Variants in EXD2 observed in about 807,000 individuals in gnomAD.
EXD2 encodes exonuclease 3'-5' domain containing 2, also known as exonuclease 3'-5' domain-containing protein 2.
Under a neutral mutation model 62.5 loss-of-function variants are expected in EXD2, and 40 were observed. The observed-to-expected ratio is 0.64, with a 90% CI of 0.50 to 0.83. EXD2 has a LOEUF of 0.83. EXD2 is among the 40% of genes least tolerant of loss of function. The probability of loss-of-function intolerance (pLI) is 0.00; values close to 1 mark genes in which losing one functional copy is unlikely to be tolerated. For synonymous variants in EXD2, 239 were observed against 291.9 expected (o/e 0.82, Z 1.85); for missense variants, 671 against 761.8 (o/e 0.88, Z 1.40).
chr14:69,213,140 G>T (rs2042874621), intron 3 of EXD2, among the ~76,000 whole-genome samples: 1 of 142,560 alleles, frequency 7.0e-6, no homozygotes, highest in African/African-American at 2.6e-5. Flanking sequence ...CTGGAATGCA[G>T]TTGTGCGATC....
chr14:69,242,944 C>A lies in EXD2; in HGVS notation c.*1844C>A, dbSNP rs1200896685. On this transcript the variant is annotated 3_prime_UTR_variant, in exon 10 of 10. Transcript: ENST00000685843. Reference sequence around the variant, plus strand: ...TTTCCTTTGAAACAAGGGAGTAGGGCTGTTTCATTTTCTTTCCTTCTAATC... The same window carrying A: ...TTTCCTTTGAAACAAGGGAGTAGGGATGTTTCATTTTCTTTCCTTCTAATC... 1 of 152,130 alleles carries A rather than the reference C, an allele frequency of 6.6e-6. No individual in the cohort carries two copies. Among genetic ancestry groups the A allele is most frequent in the Admixed American group, 6.5e-5 (1 of 15,272 alleles). The allele number at this position is 152,130 out of a possible 1,614,324, so 9.4% of individuals were successfully genotyped here. A position where few individuals can be genotyped will look rare whatever the true frequency, so the allele number is the denominator to read the frequency against.
chr14:69,214,568 AT>A, intron 3 of EXD2, among the ~76,000 whole-genome samples: 1 of 152,276 alleles, frequency 6.6e-6, no homozygotes, highest in South Asian at 2.1e-4. Flanking sequence ...ACACTGAATG[AT>A]TTATGTAAAG....
rs76479025 is a variant in EXD2, at chr14:69,192,317, C to T, written c.-132+726C>T. Reference sequence around the variant, plus strand: ...TATACTTTATTTTCTTAGTTCTGTTCCAAGGATAGAAGGAATTGAAAGGTT... The same window carrying T: ...TATACTTTATTTTCTTAGTTCTGTTTCAAGGATAGAAGGAATTGAAAGGTT... On this transcript the variant is annotated intron_variant, in intron 1 of 9. Coordinates refer to ENST00000685843, the MANE Select transcript of EXD2 (RefSeq NM_001193360.2). 8.0e-3 allele frequency among the ~76,000 whole-genome samples: 1,219 copies of T among 152,148 alleles called. 16 individuals carry two copies. Among genetic ancestry groups the T allele is most frequent in the African/African-American group, 0.028 (1,172 of 41,496 alleles).
chr14:69,230,785 CTTTTG>C (rs1037161820), intron 5 of EXD2, among the ~76,000 whole-genome samples, 187 bp downstream of exon 5: 1 of 152,058 alleles, frequency 6.6e-6, no homozygotes, highest in Non-Finnish European at 1.5e-5. Flanking sequence ...AAGAGTCCTG[CTTTTG>C]TTTTATTTTT....
Position 69,241,896 on chromosome 14 carries a change from A to G in EXD2, c.*796A>G. ...CTGCTTGTTGCACTCCTCCTGCCCCAGAACTGCAAGATTTTTAGCTTCACC... is the reference window on the plus strand; with the variant it reads ...CTGCTTGTTGCACTCCTCCTGCCCCGGAACTGCAAGATTTTTAGCTTCACC... On this transcript the variant is annotated 3_prime_UTR_variant, in exon 10 of 10. Coordinates refer to ENST00000685843, the MANE Select transcript of EXD2 (RefSeq NM_001193360.2). 1 of 399,044 alleles carries G rather than the reference A, an allele frequency of 2.5e-6. No individual in the cohort carries two copies. The highest frequency in any genetic ancestry group is 4.4e-6 in the Non-Finnish European group (1 of 226,072). The allele number at this position is 399,044 out of a possible 1,614,324, so 24.7% of individuals were successfully genotyped here.
chr14:69,206,035 C>T (rs1760401424), intron 2 of EXD2, among the ~76,000 whole-genome samples: 1 of 152,098 alleles, frequency 6.6e-6, no homozygotes, highest in African/African-American at 2.4e-5. Context: ...TCTCATGCCT[C>T]AGCCTCTGGA....
At chr14:69,227,307 T>C (rs546428674) in intron 3 of EXD2, among the ~76,000 whole-genome samples, 12 of 152,320 alleles carry the variant, frequency 7.9e-5, no homozygotes, top group Admixed American at 3.3e-4. Context: ...CTGGGAAATT[T>C]AGGTGATAGT....
rs893106049 is a variant in EXD2 at position 69,220,830 on chromosome 14, C to G, written c.334-7986C>G. On this transcript the variant is annotated intron_variant, in intron 3 of 9. Transcript: ENST00000685843. ...GTTGCAGTGAACCAAGATTGTGCCA[C>G]TGCACTCCAGCCTGGTCAACAAGAG... Among the ~76,000 whole-genome samples, 3 of 152,084 alleles carry G rather than the reference C, an allele frequency of 2.0e-5. No individual in the cohort carries two copies. In the South Asian group the frequency reaches 6.2e-4, roughly 32 times the overall value.
Position 69,228,780 on chromosome 14 carries a change from A to G in EXD2, c.334-36A>G, listed in dbSNP as rs1309900189. 9 of 1,585,950 alleles carry G rather than the reference A, an allele frequency of 5.7e-6. No individual in the cohort carries two copies. The Admixed American group carries it at 1.1e-4, about 19-fold the overall frequency. On this transcript the variant is annotated intron_variant, in intron 3 of 9. Coordinates refer to ENST00000685843, the MANE Select transcript of EXD2 (RefSeq NM_001193360.2). ...ATATGTTATGCTCGCTGCTGTGCTCAGGTGTGAACCACAACCTTGTCTTCC... is the reference window on the plus strand; with the variant it reads ...ATATGTTATGCTCGCTGCTGTGCTCGGGTGTGAACCACAACCTTGTCTTCC...
intron 3 of EXD2, among the ~76,000 whole-genome samples, chr14:69,212,993 G>C (rs1192300112): frequency 4.0e-5 from 6 of 151,796 alleles, no homozygotes; most frequent in African/African-American, 1.5e-4. Context: ...TTACAGGCGT[G>C]AGCAACCGTG....
intron 1 of EXD2, among the ~76,000 whole-genome samples, chr14:69,194,554 T>G (rs2042136322): frequency 1.3e-5 from 2 of 152,150 alleles, no homozygotes; most frequent in South Asian, 4.1e-4. Flanking sequence ...GCTATGTTGT[T>G]CAGGCTGGTC....
chr14:69,227,739 C>T (rs531361799), intron 3 of EXD2, among the ~76,000 whole-genome samples: 16 of 152,166 alleles, frequency 1.1e-4, no homozygotes, highest in Non-Finnish European at 1.8e-4. Context: ...GAGGCTGAGG[C>T]AGGAGAATAG....
chr14:69,222,327 C>G (rs937945685), intron 3 of EXD2, among the ~76,000 whole-genome samples: 4 of 151,634 alleles, frequency 2.6e-5, no homozygotes, highest in African/African-American at 9.7e-5. Context: ...ACTCTTATGT[C>G]TATTGTTTCT....
Position 69,235,025 on chromosome 14 carries a change from C to G in EXD2, c.1043C>G (p.Ser348Cys). 6.3e-7 allele frequency: 1 copy of G among 1,585,782 alleles called. No individual in the cohort carries two copies. Residue 348 changes from serine (S) to cysteine (C), a missense_variant, in exon 6 of 10, where the codon TCT becomes TGT. Coordinates refer to ENST00000685843, the MANE Select transcript of EXD2 (RefSeq NM_001193360.2). Reference protein sequence around the residue: ...HKRKPLGVGYSARKSPLYDNC... With the variant: ...HKRKPLGVGYCARKSPLYDNC... ...AGAAAGCCTCTGGGGGTGGGCTATT[C>G]TGCCAGGTAACTGAATCACTCCCTG...
At chr14:69,201,667 T>C (rs2042402252) in intron 1 of EXD2, among the ~76,000 whole-genome samples, 1 of 146,448 alleles carries the variant, frequency 6.8e-6, no homozygotes, top group Non-Finnish European at 1.5e-5. Context: ...GCAAGTGTTT[T>C]CTCTGTTTTT....
intron 9 of EXD2, among the ~76,000 whole-genome samples, chr14:69,239,668 A>G (rs540443397): frequency 6.6e-6 from 1 of 152,368 alleles, no homozygotes; most frequent in South Asian, 2.1e-4. Context: ...TTTTAAAAGA[A>G]TTATAGAATT....
intron 1 of EXD2, among the ~76,000 whole-genome samples, chr14:69,195,692 G>A (rs997483534): frequency 1.4e-4 from 21 of 152,076 alleles, no homozygotes; most frequent in African/African-American, 5.1e-4. Flanking sequence ...ACTCCCCTGA[G>A]ACCCCAGCCC....
chr14:69,205,790 C>G (rs1325122261), intron 2 of EXD2, among the ~76,000 whole-genome samples: 1 of 152,056 alleles, frequency 6.6e-6, no homozygotes, highest in African/African-American at 2.4e-5. Context: ...TTTACCAGTT[C>G]TGAACCAGTG....
intron 8 of EXD2, 27 bp from the exon 9 acceptor site, chr14:69,237,548 G>A (rs778799517): frequency 3.7e-6 from 6 of 1,605,338 alleles, no homozygotes; most frequent in East Asian, 2.2e-5. Context: ...ACTTATGAGC[G>A]CTGCTTTCCG....
Sources: gnomAD v4.1 joint callset for allele counts (sites outside exome capture counted in the v4.1 genomes callset) on GRCh38, gnomAD v4.1.1 for gene constraint, MANE v1.5 for transcripts, NCBI Gene and HGNC (gene_info 2026-07-23, HGNC 2026-07-21) for gene names.